PCDHA10: variants seen among roughly 807,000 people sequenced by gnomAD.
The protein encoded by PCDHA10 is protocadherin alpha-10.
Under a neutral mutation model 61.2 loss-of-function variants are expected in PCDHA10, and 45 were observed. The observed-to-expected ratio is 0.74, with a 90% CI of 0.58 to 0.94. The LOEUF is 0.94. Ranked by LOEUF, PCDHA10 falls within the 40% of genes least tolerant of loss-of-function variation. The pLI is 0.00. For synonymous variants in PCDHA10, 602 were observed against 548.8 expected, an observed-to-expected ratio of 1.10 and a Z score of -1.35; for missense variants, 1,278 against 1,236.2, an observed-to-expected ratio of 1.03 and a Z score of -0.51.
At chr5:141,003,123 T>C (rs1387983867) in intron 3 of PCDHA10, among the ~76,000 whole-genome samples, 1 of 152,240 alleles carries the variant, frequency 6.6e-6, no homozygotes, top group Non-Finnish European at 1.5e-5. Flanking sequence ...GGCCCTTTCC[T>C]GGCATTTGCC....
intron 1 of PCDHA10, chr5:140,881,225 T>C (rs1026658425): frequency 9.3e-5 from 25 of 267,532 alleles, no homozygotes; most frequent in Non-Finnish European, 1.4e-4. Context: ...TCTTGGAAAA[T>C]TAAAGTCAAT....
chr5:140,913,410 C>T (rs375204256), intron 1 of PCDHA10, among the ~76,000 whole-genome samples: 6 of 152,040 alleles, frequency 3.9e-5, no homozygotes, highest in African/African-American at 1.4e-4. Context: ...CCTTTGAATT[C>T]CTGCAGTATC....
intron 1 of PCDHA10, among the ~76,000 whole-genome samples, chr5:140,953,567 C>G (rs1385823859): frequency 6.6e-6 from 1 of 152,018 alleles, no homozygotes; most frequent in Non-Finnish European, 1.5e-5. Flanking sequence ...TTTTAGTGCC[C>G]TCCTCTCCCA....
In PCDHA10 at chr5:140,926,973, G is replaced by T. The variant is rs369317394; in HGVS notation, c.2389-51976G>T. 5.0e-6 allele frequency: 8 copies of T among 1,609,646 alleles called. No homozygotes were observed. The African/African-American group carries it at 1.1e-4, about 21-fold the overall frequency. On this transcript the variant is annotated intron_variant, in intron 1 of 3. Transcript: ENST00000307360. ...CGGGACAGCTCGAGTACTCAGTGCC[G>T]GAGGAGACGGAGCGGGGCGTAGCCG...
At chr5:140,965,281 G>A (rs574183012) in intron 1 of PCDHA10, among the ~76,000 whole-genome samples, 1 of 152,310 alleles carries the variant, frequency 6.6e-6, no homozygotes, top group African/African-American at 2.4e-5. Flanking sequence ...GACACAGCAT[G>A]GAAAGATTTC....
intron 1 of PCDHA10, among the ~76,000 whole-genome samples, chr5:140,892,929 C>T (rs1259333006): frequency 2.6e-5 from 4 of 152,174 alleles, no homozygotes; most frequent in Non-Finnish European, 5.9e-5. Flanking sequence ...TTCCCAGCCT[C>T]TGATAAGCAC....
chr5:140,986,236 T>C (rs1213371307), intron 3 of PCDHA10, among the ~76,000 whole-genome samples: 1 of 152,170 alleles, frequency 6.6e-6, no homozygotes. Flanking sequence ...CCCCTCTGTG[T>C]GAGCAGACCC....
At chr5:140,946,452 T>C (rs2093945325) in intron 1 of PCDHA10, among the ~76,000 whole-genome samples, 1 of 151,436 alleles carries the variant, frequency 6.6e-6, no homozygotes. Flanking sequence ...AAAACAACTA[T>C]CCAGCAATCC....
intron 1 of PCDHA10, chr5:140,863,034 A>T (rs782534693): frequency 1.8e-6 from 1 of 557,814 alleles, no homozygotes; most frequent in Non-Finnish European, 3.5e-6. Flanking sequence ...CAACAGCTGC[A>T]TCTGTCAGCT....
intron 1 of PCDHA10, chr5:140,928,243 G>A: frequency 6.2e-7 from 1 of 1,614,202 alleles, no homozygotes; most frequent in South Asian, 1.1e-5. Flanking sequence ...ACCCCAGCAG[G>A]AACTTTTCGT....
chr5:140,929,566 C>A, intron 1 of PCDHA10: 2 of 459,566 alleles, frequency 4.4e-6, no homozygotes, highest in Admixed American at 4.2e-5. Flanking sequence ...TATTTAAGAA[C>A]AATAAAAGTA....
intron 1 of PCDHA10, chr5:140,867,791 C>T (rs2050146253): frequency 1.3e-5 from 2 of 152,072 alleles, no homozygotes; most frequent in African/African-American, 2.4e-5. Context: ...CTGTATTTTA[C>T]TTAGCATTTT....
At chr5:140,877,792 C>T (rs782259804) in intron 1 of PCDHA10, 1 of 1,614,004 alleles carries the variant, frequency 6.2e-7, no homozygotes, top group Non-Finnish European at 8.5e-7. Context: ...GGCCTTCAGC[C>T]CAAGCCTTCA....
At chr5:140,870,990 G>A (rs781832962) in intron 1 of PCDHA10, 2 of 1,613,518 alleles carry the variant, frequency 1.2e-6, no homozygotes, top group South Asian at 1.1e-5. Context: ...ACACGGGCGA[G>A]ATAAGCACAA....
chr5:140,888,945 T>G (rs2062037344), intron 1 of PCDHA10, among the ~76,000 whole-genome samples: 1 of 152,102 alleles, frequency 6.6e-6, no homozygotes, highest in African/African-American at 2.4e-5. Context: ...GAGGTATAAA[T>G]TTTTTCTTTG....
At chr5:140,945,164 T>C (rs246060) in intron 1 of PCDHA10, among the ~76,000 whole-genome samples, 85,686 of 151,808 alleles carry the variant, frequency 0.56, 24,785 homozygotes, top group African/African-American at 0.69. Flanking sequence ...TATTGAACTA[T>C]CTGAAAAATA....
At position 141,010,411 on chromosome 5, in the gene PCDHA10, G is replaced by A. The variant is rs1215041869; in HGVS notation, c.*474G>A. On this transcript the variant is annotated 3_prime_UTR_variant, in exon 4 of 4. Coordinates refer to ENST00000307360, the MANE Select transcript of PCDHA10 (RefSeq NM_018901.4). Reference sequence around the variant, plus strand: ...TGAGACGAGCCAGCTTAGACTAATTGGTACAAGGAAGGCAAGAAAACAAAG... The same window carrying A: ...TGAGACGAGCCAGCTTAGACTAATTAGTACAAGGAAGGCAAGAAAACAAAG... The A allele has an allele frequency of 8.2e-7, 1 of 1,224,354 alleles. No individual in the cohort carries two copies. Among genetic ancestry groups the A allele is most frequent in the Admixed American group, 2.9e-5 (1 of 35,038 alleles). 75.8% of individuals were successfully genotyped at this position (1,224,354 alleles called of 1,614,324 possible).
In PCDHA10 at chr5:141,011,141, A is replaced by T. The variant is rs1039778930; in HGVS notation, c.*1204A>T. ...ACAATTATGTGCACTTTGATACACA[A>T]CCTTCTCTAACCAACTATATATCAA... is the stretch of plus-strand genomic sequence containing the variant. On this transcript the variant is annotated 3_prime_UTR_variant, in exon 4 of 4. Transcript: ENST00000307360. 2.6e-5 allele frequency: 4 copies of T among 153,668 alleles called. No homozygotes were observed. The highest frequency in any genetic ancestry group is 4.4e-5 in the Non-Finnish European group (3 of 68,036). The allele number at this position is 153,668 out of a possible 1,614,324, so 9.5% of individuals were successfully genotyped here. A position where few individuals can be genotyped will look rare whatever the true frequency, so the allele number is the denominator to read the frequency against.
rs1234661148 is a variant in PCDHA10, at chr5:141,010,706, T to C, written c.*769T>C. 2 of 155,338 alleles carry C rather than the reference T, an allele frequency of 1.3e-5. No individual in the cohort carries two copies. Among genetic ancestry groups the C allele is most frequent in the African/African-American group, 4.8e-5 (2 of 41,492 alleles). The allele number at this position is 155,338 out of a possible 1,614,324, so 9.6% of individuals were successfully genotyped here. A position where few individuals can be genotyped will look rare whatever the true frequency, so the allele number is the denominator to read the frequency against. The stretch of plus-strand genomic sequence containing the variant: ...AGATCTGATGTGTTTCCTATACATG[T>C]CCTGTGCTCACTTTATTAAAAATTC... On this transcript the variant is annotated 3_prime_UTR_variant, in exon 4 of 4. Transcript: ENST00000307360.
Sources: allele counts gnomAD v4.1 joint callset (sites outside exome capture counted in the v4.1 genomes callset), GRCh38; gene constraint gnomAD v4.1.1; transcripts MANE v1.5; gene names NCBI Gene and HGNC (gene_info 2026-07-23, HGNC 2026-07-21).